EDC3: variants seen among roughly 807,000 people sequenced by gnomAD.
EDC3 encodes enhancer of mRNA-decapping protein 3.
Under a neutral mutation model 41.8 loss-of-function variants are expected in EDC3, and 20 were observed. The ratio of observed to expected loss-of-function variants is 0.48; its 90% CI spans 0.34 to 0.70. EDC3 has a LOEUF of 0.70. Among genes scored for constraint, EDC3 ranks in the 30% least tolerant of loss-of-function variants. The probability of loss-of-function intolerance (pLI) is 0.01; values close to 1 mark genes in which losing one functional copy is unlikely to be tolerated. For synonymous variants in EDC3, 206 were observed against 243.2 expected, an observed-to-expected ratio of 0.85 and a Z score of 1.42; for missense variants, 444 against 636.8, an observed-to-expected ratio of 0.70 and a Z score of 3.26.
intron 4 of EDC3, chr15:74,641,777 A>G (rs2062354932): frequency 6.5e-6 from 1 of 153,202 alleles, no homozygotes; most frequent in Non-Finnish European, 1.5e-5. Flanking sequence ...AGGTAAGGAA[A>G]TTAATCTTTT....
At chr15:74,680,626 TAGA>T (rs1311476079) in intron 1 of EDC3, among the ~76,000 whole-genome samples, 4 of 152,106 alleles carry the variant, frequency 2.6e-5, no homozygotes, top group Non-Finnish European at 4.4e-5. Context: ...AACACAGCTC[TAGA>T]AGTTCTCGCA....
intron 3 of EDC3, among the ~76,000 whole-genome samples, chr15:74,670,162 C>G (rs183590930): frequency 6.6e-6 from 1 of 151,884 alleles, no homozygotes; most frequent in African/African-American, 2.4e-5. Flanking sequence ...CCCAGCCTCT[C>G]ACTTAAAATT....
At chr15:74,660,516 A>G (rs2062609613) in intron 3 of EDC3, among the ~76,000 whole-genome samples, 1 of 151,644 alleles carries the variant, frequency 6.6e-6, no homozygotes, top group African/African-American at 2.4e-5. Context: ...TATATTTTAC[A>G]TATGTGGGTG....
At chr15:74,674,572 A>C (rs1350282677) in intron 2 of EDC3, among the ~76,000 whole-genome samples, 7 of 152,204 alleles carry the variant, frequency 4.6e-5, no homozygotes, top group Non-Finnish European at 2.9e-5. Context: ...AAGATAGAGA[A>C]AGCAGATTAT....
chr15:74,683,591 A>G (rs2062899821), intron 1 of EDC3, among the ~76,000 whole-genome samples: 2 of 152,098 alleles, frequency 1.3e-5, no homozygotes, highest in African/African-American at 2.4e-5. Flanking sequence ...CAATGTCAAT[A>G]TCCTAGTAGT....
At chr15:74,635,691 G>A (rs1596299048) in intron 5 of EDC3, 65 bp from the exon 6 acceptor site, 1 of 1,427,090 alleles carries the variant, frequency 7.0e-7, no homozygotes, top group African/African-American at 1.4e-5. Flanking sequence ...CCCTATACCA[G>A]ACAATTGCCT....
At chr15:74,649,860 A>AG (rs58059458) in intron 4 of EDC3, among the ~76,000 whole-genome samples, 1,917 of 134,722 alleles carry the variant, frequency 0.014, 9 homozygotes, top group Non-Finnish European at 0.018. Flanking sequence ...AGGGAAAAAA[A>AG]GGGGGGGGGG....
chr15:74,646,013 G>A (rs1335283834), intron 4 of EDC3, among the ~76,000 whole-genome samples: 1 of 151,706 alleles, frequency 6.6e-6, no homozygotes, highest in Non-Finnish European at 1.5e-5. Context: ...AAAATAAAAC[G>A]AGTAGAAATA....
In EDC3 at chr15:74,640,600, T is replaced by C; in HGVS notation, c.840A>G (p.Pro280=). Residue 280 remains proline (P), a synonymous_variant, in exon 5 of 7, where the codon CCA becomes CCG. Transcript: ENST00000315127. ...EFCTDSGLVV[P]SISYELHKKL... is the part of the protein sequence containing the mutation. ...TTTTATGCAGCTCATAGGAAATACT[T>C]GGGACAACCAGGCCAGAGTCTGCAG... 1 of 1,614,166 alleles carries C rather than the reference T, an allele frequency of 6.2e-7. No homozygotes were observed. The highest frequency in any genetic ancestry group is 8.5e-7 in the Non-Finnish European group (1 of 1,180,028).
At chr15:74,654,860 A>G (rs1186992691) in intron 4 of EDC3, among the ~76,000 whole-genome samples, 1 of 152,242 alleles carries the variant, frequency 6.6e-6, no homozygotes, top group Non-Finnish European at 1.5e-5. Flanking sequence ...TATAGCAGCT[A>G]CCAGCATTCA....
rs540047125 is a variant in EDC3, at chr15:74,663,345, A to G, written c.485-7277T>C. Among the ~76,000 whole-genome samples, 75 of 152,264 alleles carry G rather than the reference A, an allele frequency of 4.9e-4. 1 individual carries two copies. The highest frequency in any genetic ancestry group is 1.7e-3 in the African/African-American group (71 of 41,572). ...TAAAGAAAAAGAAAAAGAAAAGCAT[A>G]AGTTGCTTCTCTAACCACTAGCCCA... On this transcript the variant is annotated intron_variant, in intron 3 of 6. Coordinates refer to ENST00000315127, the MANE Select transcript of EDC3 (RefSeq NM_025083.5).
chr15:74,671,882 G>T lies in EDC3; in HGVS notation c.165-108C>A. ...CCTTTGCAGGACTGCATTTTATTGA[G>T]TTATCAGAGGCTAGGAAAGGGGGCT... On this transcript the variant is annotated intron_variant, in intron 2 of 6. Transcript: ENST00000315127. This position sits in a 1 kb window ranked among gnomAD's most constrained non-coding sequence, Gnocchi z 4.6. The T allele has an allele frequency of 9.1e-7, 1 of 1,104,810 alleles. No homozygotes were observed. Among genetic ancestry groups the T allele is most frequent in the Non-Finnish European group, 1.3e-6 (1 of 762,056 alleles). 68.4% of individuals were successfully genotyped at this position (1,104,810 alleles called of 1,614,324 possible).
At chr15:74,678,715 C>A (rs1480162078) in intron 1 of EDC3, among the ~76,000 whole-genome samples, 1 of 151,774 alleles carries the variant, frequency 6.6e-6, no homozygotes, top group South Asian at 2.1e-4. Context: ...CATGGTGAAA[C>A]CCTGCCTCTA....
At chr15:74,643,702 C>T (rs889807152) in intron 4 of EDC3, 1 of 152,332 alleles carries the variant, frequency 6.6e-6, no homozygotes, top group African/African-American at 2.4e-5. Flanking sequence ...ACACAGACAC[C>T]CTTCAGTAGT....
At chr15:74,666,271 C>T (rs997930660) in intron 3 of EDC3, among the ~76,000 whole-genome samples, 1 of 152,108 alleles carries the variant, frequency 6.6e-6, no homozygotes, top group Non-Finnish European at 1.5e-5. Context: ...ATTGCCATTC[C>T]CAGGCCACAA....
rs115188574 is a variant in EDC3 at position 74,633,264 on chromosome 15, G to A, written c.1193-318C>T. On this transcript the variant is annotated intron_variant, in intron 6 of 6. Coordinates refer to ENST00000315127, the MANE Select transcript of EDC3 (RefSeq NM_025083.5). ...AGCCCTCACCTCCTCTGCCTTCTCA[G>A]GCATGCCTCTGTATATCCAACTAAT... Among the ~76,000 whole-genome samples, 1,158 of 152,322 alleles carry A rather than the reference G, an allele frequency of 7.6e-3. 13 individuals are homozygous for A. The highest frequency in any genetic ancestry group is 0.026 in the African/African-American group (1,081 of 41,562).
At chr15:74,654,767 AAC>A (rs1407737462) in intron 4 of EDC3, among the ~76,000 whole-genome samples, 1 of 151,918 alleles carries the variant, frequency 6.6e-6, no homozygotes, top group Non-Finnish European at 1.5e-5. Flanking sequence ...AACCAAATAC[AAC>A]AGAGTCCTAC....
chr15:74,675,742 G>A (rs923576427), intron 1 of EDC3, among the ~76,000 whole-genome samples: 19 of 151,734 alleles, frequency 1.3e-4, no homozygotes, highest in African/African-American at 4.4e-4. Context: ...TTAGCCAGGC[G>A]TGGTGGCGGG....
intron 3 of EDC3, among the ~76,000 whole-genome samples, chr15:74,666,871 G>A (rs112606100): frequency 6.6e-6 from 1 of 152,168 alleles, no homozygotes; most frequent in African/African-American, 2.4e-5. Context: ...GAGGTTAGAA[G>A]ATCCCAGGAT....
Sources: allele counts gnomAD v4.1 joint callset (sites outside exome capture counted in the v4.1 genomes callset), GRCh38; gene constraint gnomAD v4.1.1; non-coding constraint Gnocchi (gnomAD v3.1); transcripts MANE v1.5; gene names NCBI Gene and HGNC (gene_info 2026-07-23, HGNC 2026-07-21).